MYT1L: variants seen among roughly 807,000 people sequenced by gnomAD.
MYT1L encodes myelin transcription factor 1 like.
MYT1L carries 12 observed loss-of-function variants against 126.7 expected under a neutral mutation model. The ratio of observed to expected loss-of-function variants is 0.09; its 90% confidence interval spans 0.06 to 0.15. The LOEUF is 0.15. MYT1L is among the 10% of genes least tolerant of loss of function. MYT1L has a pLI of 1.00. For missense variants in MYT1L, 979 were observed against 1,585.2 expected, an observed-to-expected ratio of 0.62 and a Z score of 6.49; for synonymous variants, 541 against 604.2, an observed-to-expected ratio of 0.90 and a Z score of 1.53.
chr2:2,039,972 G>A (rs2067342362), intron 4 of MYT1L, among the ~76,000 whole-genome samples: 1 of 152,168 alleles, frequency 6.6e-6, no homozygotes. Context: ...ACACGTGATA[G>A]AGTCATAGAA....
rs1187454963 is a variant in MYT1L, at chr2:2,224,448, G to T, written c.-420-51460C>A. ...CTGCTCTTTCTAATTGCAAACGTTT[G>T]CCAGTGAGAAGAAAAGGAATTAGAT... On this transcript the variant is annotated intron_variant, in intron 2 of 24. Coordinates refer to ENST00000647738, the MANE Select transcript of MYT1L (RefSeq NM_001303052.2). The surrounding 1 kb of genome is among the most constrained non-coding windows in gnomAD (Gnocchi z 4.0). Among the ~76,000 whole-genome samples, 3 of 152,118 alleles carry T rather than the reference G, an allele frequency of 2.0e-5. No individual in the cohort carries two copies. Among genetic ancestry groups the T allele is most frequent in the Non-Finnish European group, 4.4e-5 (3 of 68,020 alleles).
At chr2:2,279,563 AT>A (rs1179812800) in intron 2 of MYT1L, among the ~76,000 whole-genome samples, 34 of 128,162 alleles carry the variant, frequency 2.7e-4, no homozygotes, top group African/African-American at 9.1e-4. Context: ...GAAGGAATGA[AT>A]GAATGAAGGA....
intron 1 of MYT1L, among the ~76,000 whole-genome samples, chr2:2,322,497 G>T (rs2096184882): frequency 6.6e-6 from 1 of 151,922 alleles, no homozygotes; most frequent in South Asian, 2.1e-4. Context: ...CATTGTCTTT[G>T]CCCGTGAGCC....
chr2:2,177,656 G>A (rs1468843360), intron 2 of MYT1L, among the ~76,000 whole-genome samples: 1 of 152,174 alleles, frequency 6.6e-6, no homozygotes, highest in Non-Finnish European at 1.5e-5. Context: ...ATGGTACATG[G>A]TGGCAGGTGA....
intron 16 of MYT1L, among the ~76,000 whole-genome samples, chr2:1,888,241 A>T (rs1455221909): frequency 5.3e-5 from 8 of 152,204 alleles, no homozygotes; most frequent in Non-Finnish European, 1.2e-4. Context: ...CACTTCTGTC[A>T]TTTTAGGAGG....
intron 21 of MYT1L, among the ~76,000 whole-genome samples, chr2:1,815,540 T>C (rs2037485940): frequency 6.6e-6 from 1 of 152,086 alleles, no homozygotes; most frequent in Non-Finnish European, 1.5e-5. Flanking sequence ...GTGAATAAAA[T>C]AGGAAGGACA....
chr2:2,316,159 G>A (rs772735245), intron 1 of MYT1L, among the ~76,000 whole-genome samples: 1 of 152,162 alleles, frequency 6.6e-6, no homozygotes, highest in Non-Finnish European at 1.5e-5. Context: ...ACCTCAACAT[G>A]AGCTTGATTT....
intron 8 of MYT1L, among the ~76,000 whole-genome samples, chr2:1,967,033 T>A (rs1412784339): frequency 6.6e-6 from 1 of 152,090 alleles, no homozygotes; most frequent in African/African-American, 2.4e-5. Flanking sequence ...TATTTCATAG[T>A]TTTGGGGGTA....
intron 1 of MYT1L, among the ~76,000 whole-genome samples, chr2:2,295,255 G>A (rs1161036860): frequency 6.6e-6 from 1 of 152,204 alleles, no homozygotes; most frequent in Non-Finnish European, 1.5e-5. Flanking sequence ...GGGCGTTCCA[G>A]GCAGAGGAAA....
At chr2:2,006,309 C>T (rs576563171) in intron 4 of MYT1L, among the ~76,000 whole-genome samples, 28 of 152,272 alleles carry the variant, frequency 1.8e-4, no homozygotes, top group East Asian at 1.5e-3. Flanking sequence ...ACACATACAT[C>T]GTAGAATGCT....
intron 18 of MYT1L, among the ~76,000 whole-genome samples, chr2:1,880,282 G>A (rs548776347): frequency 6.6e-6 from 1 of 152,310 alleles, no homozygotes; most frequent in African/African-American, 2.4e-5. Flanking sequence ...GGCTGCAAAG[G>A]TAAAAACATT....
At chr2:2,136,679 T>G (rs2083097908) in intron 3 of MYT1L, among the ~76,000 whole-genome samples, 1 of 152,210 alleles carries the variant, frequency 6.6e-6, no homozygotes, top group African/African-American at 2.4e-5. Context: ...AGATTTTCTT[T>G]CTTGTCTTCA....
At chr2:2,238,740 A>G (rs999941185) in intron 2 of MYT1L, among the ~76,000 whole-genome samples, 9 of 152,250 alleles carry the variant, frequency 5.9e-5, no homozygotes, top group Non-Finnish European at 8.8e-5. Context: ...GCTTTGTGCA[A>G]TGCAACGATT....
chr2:2,143,844 A>C (rs1271486579), intron 3 of MYT1L, among the ~76,000 whole-genome samples: 1 of 152,120 alleles, frequency 6.6e-6, no homozygotes, highest in African/African-American at 2.4e-5. Context: ...CATTATCCTA[A>C]GTGAACTAAC....
intron 4 of MYT1L, among the ~76,000 whole-genome samples, chr2:2,040,665 G>C (rs776780361): frequency 6.6e-6 from 1 of 152,104 alleles, no homozygotes. Context: ...GGAAAATTAC[G>C]AACATGTGAT....
At chr2:1,879,644 T>G (rs2047306537) in intron 18 of MYT1L, among the ~76,000 whole-genome samples, 1 of 152,140 alleles carries the variant, frequency 6.6e-6, no homozygotes, top group African/African-American at 2.4e-5. Flanking sequence ...TATATATTTA[T>G]AGTTTAGTAA....
intron 1 of MYT1L, among the ~76,000 whole-genome samples, chr2:2,310,314 C>A (rs1196459241): frequency 2.6e-5 from 4 of 152,046 alleles, no homozygotes; most frequent in Non-Finnish European, 2.9e-5. Context: ...TTTATCTATA[C>A]TCCACTTATA....
At chr2:1,799,651 A>G (rs1206064411) in intron 23 of MYT1L, among the ~76,000 whole-genome samples, 2 of 152,250 alleles carry the variant, frequency 1.3e-5, no homozygotes, top group East Asian at 1.9e-4. Flanking sequence ...AGAGTGCCCC[A>G]AAAGGTGCCA....
At chr2:2,259,439 T>C (rs111631863) in intron 2 of MYT1L, among the ~76,000 whole-genome samples, 3,234 of 151,328 alleles carry the variant, frequency 0.021, 52 homozygotes, top group Non-Finnish European at 0.03. Context: ...TGTGAGGTGA[T>C]AGATGTATTA....
Sources: allele counts gnomAD v4.1 joint callset (sites outside exome capture counted in the v4.1 genomes callset), GRCh38; gene constraint gnomAD v4.1.1; non-coding constraint Gnocchi (gnomAD v3.1); transcripts MANE v1.5; gene names NCBI Gene and HGNC (gene_info 2026-07-23, HGNC 2026-07-21).